PHF2: variants seen among roughly 807,000 people sequenced by gnomAD.
PHF2 encodes PHD finger protein 2, also known as lysine-specific demethylase PHF2.
PHF2 carries 27 observed loss-of-function variants against 120.5 expected under a neutral mutation model. The ratio of observed to expected loss-of-function variants is 0.22; its 90% CI spans 0.17 to 0.31. The LOEUF (loss-of-function observed/expected upper bound fraction) is 0.31, where lower values mean the gene tolerates loss of function less well. PHF2 is among the 10% of genes least tolerant of loss of function. The probability of loss-of-function intolerance (pLI) is 1.00; values close to 1 mark genes in which losing one functional copy is unlikely to be tolerated. For synonymous variants in PHF2, 568 were observed against 592.5 expected, an observed-to-expected ratio of 0.96 and a Z score of 0.60; for missense variants, 1,024 against 1,434.8, an observed-to-expected ratio of 0.71 and a Z score of 4.63.
chr9:93,585,142 C>T (rs140083230), intron 1 of PHF2, among the ~76,000 whole-genome samples: 182 of 152,300 alleles, frequency 1.2e-3, no homozygotes, highest in African/African-American at 3.7e-3. Flanking sequence ...GCATGCTCTC[C>T]GTGTTCATGC....
intron 1 of PHF2, among the ~76,000 whole-genome samples, chr9:93,592,721 A>G (rs1349712145): frequency 3.9e-5 from 6 of 152,128 alleles, no homozygotes; most frequent in South Asian, 2.1e-4. Context: ...TCATCCGGTG[A>G]GCCAGGTTGT....
At chr9:93,596,710 C>T (rs952188110) in intron 1 of PHF2, among the ~76,000 whole-genome samples, 2 of 151,058 alleles carry the variant, frequency 1.3e-5, no homozygotes, top group African/African-American at 4.9e-5. Context: ...TGGGCAGAGT[C>T]AGGCAAATTG....
intron 2 of PHF2, among the ~76,000 whole-genome samples, chr9:93,634,853 C>A (rs1205683426): frequency 6.6e-6 from 1 of 152,214 alleles, no homozygotes; most frequent in Non-Finnish European, 1.5e-5. Context: ...TGCCCGTGAA[C>A]AAGCACCTAC....
chr9:93,659,405 C>G, intron 10 of PHF2, 106 bp from the exon 11 acceptor site: 1 of 883,090 alleles, frequency 1.1e-6, no homozygotes, highest in Non-Finnish European at 1.9e-6. Context: ...TCGCCTCATG[C>G]TCATCTGAGT....
rs139677827 is a variant in PHF2 at position 93,669,436 on chromosome 9, C to T, written c.2348+2196C>T. Among the ~76,000 whole-genome samples, 733 of 152,356 alleles carry T rather than the reference C, an allele frequency of 4.8e-3. 8 individuals are homozygous for T. Among genetic ancestry groups the T allele is most frequent in the African/African-American group, 0.017 (705 of 41,574 alleles). Reference sequence around the variant, plus strand: ...GCTTGTGTGGCAGGGGCAGTGTGGTCCTGGCACTGTGGGGGCAGCTCCCGG... The same window carrying T: ...GCTTGTGTGGCAGGGGCAGTGTGGTTCTGGCACTGTGGGGGCAGCTCCCGG... On this transcript the variant is annotated intron_variant, in intron 17 of 21. Coordinates refer to ENST00000359246, the MANE Select transcript of PHF2 (RefSeq NM_005392.4).
chr9:93,661,690 G>C (rs548505727), intron 12 of PHF2, among the ~76,000 whole-genome samples: 1 of 151,996 alleles, frequency 6.6e-6, no homozygotes, highest in South Asian at 2.1e-4. Context: ...TAGATGAATG[G>C]ATGAATGGAT....
rs944513029 is a variant in PHF2 at position 93,677,063 on chromosome 9, A to G, written c.3202+100A>G. 5 of 1,304,808 alleles carry G rather than the reference A, an allele frequency of 3.8e-6. No individual in the cohort carries two copies. The highest frequency in any genetic ancestry group is 3.0e-5 in the African/African-American group (2 of 66,460). The allele number at this position is 1,304,808 out of a possible 1,614,324, so 80.8% of individuals were successfully genotyped here. A position where few individuals can be genotyped will look rare whatever the true frequency, so the allele number is the denominator to read the frequency against. On this transcript the variant is annotated intron_variant, in intron 21 of 21. Coordinates refer to ENST00000359246, the MANE Select transcript of PHF2 (RefSeq NM_005392.4). The surrounding 1 kb of genome is among the most constrained non-coding windows in gnomAD (Gnocchi z 4.4). ...CTCGGCCCATGGTAGAGGGCAGCAC[A>G]TTGGGAGGGCTCCTGGGCCTTGGGT... is the stretch of plus-strand genomic sequence containing the variant.
At chr9:93,596,521 G>A (rs1043801817) in intron 1 of PHF2, among the ~76,000 whole-genome samples, 1 of 152,114 alleles carries the variant, frequency 6.6e-6, no homozygotes, top group African/African-American at 2.4e-5. Flanking sequence ...GGGAGAGCCA[G>A]CACCCAGAAC....
At chr9:93,601,931 C>CG (rs545045186) in intron 1 of PHF2, among the ~76,000 whole-genome samples, 103 of 110,278 alleles carry the variant, frequency 9.3e-4, no homozygotes, top group African/African-American at 3.5e-3. Context: ...GATGGGAGTG[C>CG]GGGGGTGGTA....
intron 1 of PHF2, among the ~76,000 whole-genome samples, chr9:93,577,253 C>T (rs929485676): frequency 2.5e-4 from 38 of 151,380 alleles, no homozygotes; most frequent in Admixed American, 6.6e-4. Flanking sequence ...AGGCCCGGAG[C>T]CCCCGCCGCC....
Position 93,665,765 on chromosome 9 carries a change from G to A in PHF2, c.2017G>A (p.Val673Met), listed in dbSNP as rs750048636. The A allele has an allele frequency of 4.1e-5, 66 of 1,614,032 alleles. No homozygotes were observed. The highest frequency in any genetic ancestry group is 4.0e-4 in the Admixed American group (24 of 60,010). The change falls in exon 15 of 22, where the codon GTG (valine) becomes ATG (methionine). Residue 673 changes from valine to methionine, a missense_variant. This residue lies in a region of PHF2 where 677 missense variants were observed against 857.4 expected (regional missense o/e 0.79). Transcript: ENST00000359246. ...QNFKEDKPKP[V>M]RDEYEYVSDD... ...CTTCAAGGAGGACAAGCCCAAGCCC[G>A]TGCGGGATGAGTATGAGTACGTGTC...
intron 1 of PHF2, among the ~76,000 whole-genome samples, chr9:93,612,621 A>G (rs1469746320): frequency 6.6e-6 from 1 of 152,266 alleles, no homozygotes; most frequent in East Asian, 1.9e-4. Flanking sequence ...ATTGTATACT[A>G]CATCCTTCAC....
Position 93,667,116 on chromosome 9 carries a change from G to A in PHF2, c.2224G>A (p.Asp742Asn), listed in dbSNP as rs1333239271. 2.5e-6 allele frequency: 4 copies of A among 1,613,042 alleles called. No individual in the cohort carries two copies. In the African/African-American group the frequency reaches 4.0e-5, roughly 16 times the overall value. The change falls in exon 17 of 22, where the codon GAC becomes AAC. Residue 742 changes from aspartate to asparagine, a missense_variant. Physicochemically the swap from Asp to Asn is conservative, Grantham distance 23. Coordinates refer to ENST00000359246, the MANE Select transcript of PHF2 (RefSeq NM_005392.4). ...CTCGGACGAGGGTTCGCTGCACATC[G>A]ACACAGACACCAAGCCCGGCCGCAA... ...DSSDEGSLHI[D>N]TDTKPGRNAR...
At chr9:93,596,140 G>A (rs916320819) in intron 1 of PHF2, among the ~76,000 whole-genome samples, 2 of 152,138 alleles carry the variant, frequency 1.3e-5, no homozygotes, top group Non-Finnish European at 2.9e-5. Flanking sequence ...CGCATGGAGT[G>A]GGGGCTGTCC....
chr9:93,615,253 ATGGTGATGAT>A (rs975472775), intron 1 of PHF2, among the ~76,000 whole-genome samples: 1 of 146,858 alleles, frequency 6.8e-6, no homozygotes. Flanking sequence ...GTTGATGGTG[ATGGTGATGAT>A]TGGTGATGGT....
intron 1 of PHF2, among the ~76,000 whole-genome samples, chr9:93,623,290 C>A (rs1825854549): frequency 6.6e-6 from 1 of 152,202 alleles, no homozygotes; most frequent in Non-Finnish European, 1.5e-5. Flanking sequence ...AATGATGGTG[C>A]TGAAGGGACT....
At chr9:93,622,872 T>C (rs1314946881) in intron 1 of PHF2, among the ~76,000 whole-genome samples, 1 of 152,198 alleles carries the variant, frequency 6.6e-6, no homozygotes, top group African/African-American at 2.4e-5. Context: ...ACTCTGAGTT[T>C]GGTGGTCTGA....
chr9:93,599,843 A>C (rs1430542672), intron 1 of PHF2, among the ~76,000 whole-genome samples: 12 of 152,218 alleles, frequency 7.9e-5, no homozygotes, highest in Non-Finnish European at 1.5e-4. Context: ...GTTGATCTGA[A>C]ACTCGTCTGA....
At chr9:93,612,649 A>G (rs1825656451) in intron 1 of PHF2, among the ~76,000 whole-genome samples, 1 of 152,248 alleles carries the variant, frequency 6.6e-6, no homozygotes, top group South Asian at 2.1e-4. Context: ...TCAGAAGTAG[A>G]TGGAGGTTTC....
Sources: allele counts gnomAD v4.1 joint callset (sites outside exome capture counted in the v4.1 genomes callset), GRCh38; gene constraint gnomAD v4.1.1; regional missense constraint gnomAD v4.1.1; non-coding constraint Gnocchi (gnomAD v3.1); transcripts MANE v1.5; gene names NCBI Gene and HGNC (gene_info 2026-07-23, HGNC 2026-07-21).